AFDN: variants seen among roughly 807,000 people sequenced by gnomAD.
AFDN encodes afadin.
A neutral mutation model predicts 216.6 loss-of-function variants in AFDN; 68 were observed. That is an observed-to-expected ratio of 0.31 (90% CI 0.26 to 0.38). AFDN has a LOEUF of 0.38. Ranked by LOEUF, AFDN falls within the 10% of genes least tolerant of loss-of-function variation. The pLI is 1.00. For missense variants in AFDN, 2,136 were observed against 2,342.0 expected (o/e 0.91, Z 1.82); for synonymous variants, 868 against 853.7 (o/e 1.02, Z -0.29).
chr6:167,836,388 G>A (rs775013134), intron 1 of AFDN, among the ~76,000 whole-genome samples: 3 of 152,142 alleles, frequency 2.0e-5, no homozygotes, highest in Non-Finnish European at 4.4e-5. Flanking sequence ...GTGTAAAGAC[G>A]TCTTTTTCTC....
chr6:167,878,442 C>G (rs1016278967), intron 5 of AFDN, among the ~76,000 whole-genome samples: 27 of 151,886 alleles, frequency 1.8e-4, no homozygotes, highest in Non-Finnish European at 3.4e-4. Flanking sequence ...GGACTCCACT[C>G]CTGTTGCTAA....
intron 23 of AFDN, among the ~76,000 whole-genome samples, chr6:167,928,659 G>T (rs139554541): frequency 6.6e-6 from 1 of 152,322 alleles, no homozygotes; most frequent in African/African-American, 2.4e-5. Context: ...AGTCCAGGGA[G>T]CCCATGCTGC....
chr6:167,969,849 C>T lies in AFDN; in HGVS notation c.5410C>T (p.Leu1804Phe), dbSNP rs755361988. 6.2e-6 allele frequency: 10 copies of T among 1,613,204 alleles called. No homozygotes were observed. The Admixed American group carries it at 1.5e-4, about 24-fold the overall frequency. Residue 1804 changes from leucine (L) to phenylalanine (F), a missense_variant, in exon 34 of 34, where the codon CTT becomes TTT. Transcript: ENST00000683244. ...CTTGACATTCAAGGAACGCCAGCGT[C>T]TTTTTTCACAAGGTCAAGATGTATC... Reference protein sequence around the residue: ...ENLTFKERQRLFSQGQDVSNK... With the variant: ...ENLTFKERQRFFSQGQDVSNK...
At chr6:167,936,957 C>T (rs1222230046) in intron 23 of AFDN, among the ~76,000 whole-genome samples, 2 of 152,178 alleles carry the variant, frequency 1.3e-5, no homozygotes, top group Non-Finnish European at 2.9e-5. Flanking sequence ...ACCAGTAGAA[C>T]TGTAATTTCT....
Position 167,911,496 on chromosome 6 carries a change from TCCAGCCGG to T in AFDN, c.2037+14_2037+21del. The T allele has an allele frequency of 1.9e-6, 3 of 1,613,834 alleles. No individual in the cohort carries two copies. Among genetic ancestry groups the T allele is most frequent in the Non-Finnish European group, 2.5e-6 (3 of 1,179,792 alleles). ...GATGGAGGGTGTCATCCAGGTACGT[TCCAGCCGG>T]CCAGCCATGCTCCTCCAGTGATTGT... On this transcript the variant is annotated splice_region_variant and intron_variant, in intron 15 of 33. Coordinates refer to ENST00000683244, the MANE Select transcript of AFDN (RefSeq NM_001386888.1).
chr6:167,943,943 C>T lies in AFDN; in HGVS notation c.3242C>T (p.Ala1081Val), dbSNP rs1383117462. The T allele has an allele frequency of 3.1e-6, 5 of 1,613,578 alleles. No individual in the cohort carries two copies. Among genetic ancestry groups the T allele is most frequent in the Non-Finnish European group, 4.2e-6 (5 of 1,179,686 alleles). The change falls in exon 26 of 34, where the codon GCG becomes GTG. Residue 1081 changes from alanine to valine, a missense_variant and splice_region_variant. This residue lies in a region of AFDN where 74 missense variants were observed against 98.8 expected (regional missense o/e 0.75). Coordinates refer to ENST00000683244, the MANE Select transcript of AFDN (RefSeq NM_001386888.1). ...CATGTGTAATCTTCTTCTCCTAGGG[C>T]GGCAGAACTCATGACAAGAACAAGC... is the stretch of plus-strand genomic sequence containing the variant. ...RSLVGLSQERAAELMTRTSSV... is the reference protein window; with the variant it reads ...RSLVGLSQERVAELMTRTSSV...
Position 167,907,244 on chromosome 6 carries a change from T to A in AFDN, c.1724T>A (p.Met575Lys). 6.2e-7 allele frequency: 1 copy of A among 1,614,144 alleles called. No individual in the cohort carries two copies. The highest frequency in any genetic ancestry group is 8.5e-7 in the Non-Finnish European group (1 of 1,180,006). The change falls in exon 13 of 34, where the codon ATG becomes AAG. Residue 575 changes from methionine (M) to lysine (K), a missense_variant. By Grantham distance (95) the Met-to-Lys change is moderately conservative (BLOSUM62 -1). Around this residue, in one of 8 missense-constraint regions of AFDN, gnomAD observed 817 missense variants for 965.7 expected, o/e 0.85. Transcript: ENST00000683244. ...GCCGAGCGGGGAATGGTGAAGCCGA[T>A]GATCAGAGTAGAACAGCAGCCAGAT... is the stretch of plus-strand genomic sequence containing the variant. ...STAERGMVKP[M>K]IRVEQQPDYR...
At chr6:167,895,358 G>A (rs549263808) in intron 9 of AFDN, among the ~76,000 whole-genome samples, 1 of 152,248 alleles carries the variant, frequency 6.6e-6, no homozygotes, top group Non-Finnish European at 1.5e-5. Context: ...GTCTAGAAGG[G>A]AGCTACCTAT....
chr6:167,966,140 C>T, intron 32 of AFDN, 95 bp downstream of exon 32: 9 of 1,535,314 alleles, frequency 5.9e-6, no homozygotes, highest in Non-Finnish European at 7.9e-6. Context: ...CACGCCCGGC[C>T]TCCGATGGCG....
In AFDN at chr6:167,898,336, G is replaced by T; in HGVS notation, c.1449G>T (p.Leu483=). 6.2e-7 allele frequency: 1 copy of T among 1,614,136 alleles called. No homozygotes were observed. The highest frequency in any genetic ancestry group is 8.5e-7 in the Non-Finnish European group (1 of 1,180,014). The change falls in exon 11 of 34, where the codon CTG becomes CTT. Residue 483 remains leucine, a synonymous_variant. Coordinates refer to ENST00000683244, the MANE Select transcript of AFDN (RefSeq NM_001386888.1). ...EGQRISETTM[L]QSGMKVQFGA... is the part of the protein sequence containing the mutation. Reference sequence around the variant, plus strand: ...AGCGCATCTCAGAAACCACCATGCTGCAGAGTGGCATGAAAGTGCAGTTTG... The same window carrying T: ...AGCGCATCTCAGAAACCACCATGCTTCAGAGTGGCATGAAAGTGCAGTTTG...
chr6:167,839,740 G>A (rs968607686), intron 1 of AFDN, among the ~76,000 whole-genome samples: 8 of 152,146 alleles, frequency 5.3e-5, no homozygotes, highest in Non-Finnish European at 7.3e-5. Flanking sequence ...ACACTTAATT[G>A]ACACATGGTC....
intron 27 of AFDN, among the ~76,000 whole-genome samples, chr6:167,947,368 A>ACGGGGTTT (rs1369840605): frequency 1.9e-4 from 29 of 152,036 alleles, no homozygotes; most frequent in South Asian, 4.2e-4. Context: ...TTTAGTAGAG[A>ACGGGGTTT]CGGGGTTTCA....
chr6:167,839,646 A>G (rs1240440326), intron 1 of AFDN, among the ~76,000 whole-genome samples: 1 of 152,096 alleles, frequency 6.6e-6, no homozygotes, highest in Non-Finnish European at 1.5e-5. Flanking sequence ...CCTCCCACTC[A>G]GTACATGTGT....
At chr6:167,828,452 G>A (rs1779455680) in intron 1 of AFDN, among the ~76,000 whole-genome samples, 1 of 152,164 alleles carries the variant, frequency 6.6e-6, no homozygotes, top group Non-Finnish European at 1.5e-5. Context: ...CTAGCCATTT[G>A]TCTTAATACT....
At position 167,946,334 on chromosome 6, in the gene AFDN, G is replaced by T. The variant is rs139714719; in HGVS notation, c.3359-373G>T. Among the ~76,000 whole-genome samples the T allele has an allele frequency of 6.3e-4, 96 of 152,298 alleles. No individual in the cohort carries two copies. The Middle Eastern group carries it at 0.01, about 16-fold the overall frequency. Reference sequence around the variant, plus strand: ...GGAAGGCTCACGTCACATGACGGCTGCTCAGAACGATGACGCTGGGCGATT... The same window carrying T: ...GGAAGGCTCACGTCACATGACGGCTTCTCAGAACGATGACGCTGGGCGATT... On this transcript the variant is annotated intron_variant, in intron 26 of 33. Coordinates refer to ENST00000683244, the MANE Select transcript of AFDN (RefSeq NM_001386888.1).
intron 12 of AFDN, among the ~76,000 whole-genome samples, chr6:167,905,732 A>G (rs1490504611): frequency 6.6e-6 from 1 of 152,036 alleles, no homozygotes; most frequent in Non-Finnish European, 1.5e-5. Flanking sequence ...CCATTGCCCT[A>G]TTACTAGTCA....
intron 8 of AFDN, among the ~76,000 whole-genome samples, chr6:167,893,295 T>C (rs1454711689): frequency 6.6e-6 from 1 of 152,224 alleles, no homozygotes; most frequent in African/African-American, 2.4e-5. Context: ...CTGAATGAAA[T>C]TGATCTATTT....
At chr6:167,901,660 C>T (rs772943907) in intron 11 of AFDN, among the ~76,000 whole-genome samples, 1 of 152,124 alleles carries the variant, frequency 6.6e-6, no homozygotes, top group Non-Finnish European at 1.5e-5. Flanking sequence ...TCATGTGTCA[C>T]TTTCCCTGTG....
intron 1 of AFDN, among the ~76,000 whole-genome samples, chr6:167,838,142 T>C (rs1780653652): frequency 6.6e-6 from 1 of 152,200 alleles, no homozygotes; most frequent in Admixed American, 6.5e-5. Context: ...TTATATAGCA[T>C]CCAGAAATTG....
Sources: allele counts gnomAD v4.1 joint callset (sites outside exome capture counted in the v4.1 genomes callset), GRCh38; gene constraint gnomAD v4.1.1; regional missense constraint gnomAD v4.1.1; transcripts MANE v1.5; gene names NCBI Gene and HGNC (gene_info 2026-07-23, HGNC 2026-07-21).